SCFD1: variants seen among roughly 807,000 people sequenced by gnomAD.
SCFD1 encodes sec1 family domain containing 1, also known as sec1 family domain-containing protein 1.
A neutral mutation model predicts 103.2 loss-of-function variants in SCFD1; 37 were observed. The observed-to-expected ratio is 0.36, with a 90% CI of 0.28 to 0.47. SCFD1 has a LOEUF of 0.47. Ranked by LOEUF, SCFD1 falls within the 20% of genes least tolerant of loss-of-function variation. SCFD1 has a pLI of 1.00. For missense variants in SCFD1, 639 were observed against 761.2 expected, an observed-to-expected ratio of 0.84 and a Z score of 1.89; for synonymous variants, 264 against 245.0, an observed-to-expected ratio of 1.08 and a Z score of -0.73.
At chr14:30,625,749 A>G (rs1389316529) in intron 1 of SCFD1, among the ~76,000 whole-genome samples, 2 of 151,994 alleles carry the variant, frequency 1.3e-5, no homozygotes, top group African/African-American at 4.8e-5. Flanking sequence ...GTATATTGAT[A>G]TAGGTAAAAG....
intron 13 of SCFD1, among the ~76,000 whole-genome samples, chr14:30,674,515 G>C (rs1055473966): frequency 5.3e-5 from 8 of 152,046 alleles, no homozygotes; most frequent in Non-Finnish European, 1.0e-4. Flanking sequence ...GAGAGTGGTG[G>C]TGCACGCCTG....
At chr14:30,647,843 G>T (rs1250924267) in intron 7 of SCFD1, among the ~76,000 whole-genome samples, 1 of 152,064 alleles carries the variant, frequency 6.6e-6, no homozygotes, top group African/African-American at 2.4e-5. Flanking sequence ...CAGAGACGGG[G>T]TTTCACCATG....
chr14:30,707,307 A>G (rs1440845136), intron 18 of SCFD1, among the ~76,000 whole-genome samples: 3 of 152,182 alleles, frequency 2.0e-5, no homozygotes, highest in Non-Finnish European at 4.4e-5. Flanking sequence ...ATTCCATGTG[A>G]GAGACTGTTT....
chr14:30,629,869 C>T (rs1883920511), intron 2 of SCFD1, among the ~76,000 whole-genome samples: 2 of 152,170 alleles, frequency 1.3e-5, no homozygotes, highest in African/African-American at 4.8e-5. Flanking sequence ...AGCCACTGTG[C>T]CACAGCCAGG....
At chr14:30,665,919 T>C (rs532849868) in intron 10 of SCFD1, among the ~76,000 whole-genome samples, 1 of 152,046 alleles carries the variant, frequency 6.6e-6, no homozygotes, top group Non-Finnish European at 1.5e-5. Context: ...ACAAAACAAG[T>C]CCTTAGAGAC....
chr14:30,674,521 G>A (rs144198525), intron 13 of SCFD1, among the ~76,000 whole-genome samples: 365 of 152,168 alleles, frequency 2.4e-3, no homozygotes, highest in Non-Finnish European at 2.9e-3. Flanking sequence ...GGTGGTGCAC[G>A]CCTGTAGTCC....
intron 10 of SCFD1, among the ~76,000 whole-genome samples, chr14:30,661,475 T>A (rs994421047): frequency 6.6e-5 from 10 of 152,188 alleles, no homozygotes; most frequent in Non-Finnish European, 1.2e-4. Flanking sequence ...AATATATATG[T>A]ATCTGTTGTA....
chr14:30,711,154 C>T (rs534705545), intron 19 of SCFD1, among the ~76,000 whole-genome samples: 1 of 141,944 alleles, frequency 7.0e-6, no homozygotes, highest in South Asian at 2.3e-4. Context: ...TTCTGTTTTA[C>T]TCTCTTTGGC....
chr14:30,654,449 G>A (rs533789173), intron 10 of SCFD1, among the ~76,000 whole-genome samples: 9 of 152,326 alleles, frequency 5.9e-5, no homozygotes, highest in South Asian at 4.1e-4. Flanking sequence ...CAAGGCAGGC[G>A]GATCACATGA....
chr14:30,677,827 CTTTTTT>C (rs58942207), intron 14 of SCFD1, among the ~76,000 whole-genome samples: 4 of 67,510 alleles, frequency 5.9e-5, no homozygotes, highest in Admixed American at 1.5e-4. Flanking sequence ...ACCTAAGCAC[CTTTTTT>C]TTTTTTTTTT....
At chr14:30,733,783 C>A (rs563276474) in intron 23 of SCFD1, among the ~76,000 whole-genome samples, 3 of 152,304 alleles carry the variant, frequency 2.0e-5, no homozygotes, top group Admixed American at 2.0e-4. Context: ...CCTGGTCATG[C>A]TGGTCATGCA....
intron 14 of SCFD1, among the ~76,000 whole-genome samples, chr14:30,677,515 C>T (rs999317703): frequency 6.6e-6 from 1 of 151,854 alleles, no homozygotes; most frequent in Non-Finnish European, 1.5e-5. Context: ...TTTTTTATAT[C>T]CTAGATAAAG....
intron 11 of SCFD1, among the ~76,000 whole-genome samples, chr14:30,672,694 A>G (rs1279850798): frequency 1.3e-5 from 2 of 152,150 alleles, no homozygotes; most frequent in Admixed American, 6.5e-5. Flanking sequence ...CTAAACCACA[A>G]TGTCCTGGTA....
intron 19 of SCFD1, among the ~76,000 whole-genome samples, chr14:30,713,916 G>A (rs1892074755): frequency 6.6e-6 from 1 of 152,164 alleles, no homozygotes; most frequent in South Asian, 2.1e-4. Context: ...CCTAACTATA[G>A]TTTTCTCTTT....
Position 30,702,336 on chromosome 14 carries a change from G to A in SCFD1, c.1451G>A (p.Gly484Glu). The A allele has an allele frequency of 1.2e-6, 2 of 1,602,194 alleles. No individual in the cohort carries two copies. The highest frequency in any genetic ancestry group is 1.7e-6 in the Non-Finnish European group (2 of 1,173,928). Residue 484 changes from glycine (G) to glutamate (E), a missense_variant, in exon 17 of 25, where the codon GGA becomes GAA. Coordinates refer to ENST00000458591, the MANE Select transcript of SCFD1 (RefSeq NM_016106.4). ...EQYKKALTDAGCNLNPLQYIK... is the reference protein window; with the variant it reads ...EQYKKALTDAECNLNPLQYIK... ...TATAAAAAAGCTTTAACTGATGCAG[G>A]ATGCAACCTTAATCCTTTACAATAT...
intron 14 of SCFD1, among the ~76,000 whole-genome samples, chr14:30,691,505 G>A (rs971176492): frequency 6.6e-6 from 1 of 152,166 alleles, no homozygotes; most frequent in Non-Finnish European, 1.5e-5. Context: ...CTCTTATGCA[G>A]GTTAGAAAAT....
At chr14:30,680,171 G>T (rs925580921) in intron 14 of SCFD1, among the ~76,000 whole-genome samples, 3 of 152,030 alleles carry the variant, frequency 2.0e-5, no homozygotes, top group Non-Finnish European at 4.4e-5. Context: ...CTTTTATGAG[G>T]ATAAAGCATT....
At chr14:30,719,112 TAAC>T (rs1384738941) in intron 20 of SCFD1, among the ~76,000 whole-genome samples, 1 of 152,146 alleles carries the variant, frequency 6.6e-6, no homozygotes, top group African/African-American at 2.4e-5. Flanking sequence ...AGGGTAACAG[TAAC>T]AACCTGATAG....
At chr14:30,691,492 G>A (rs1364274015) in intron 14 of SCFD1, among the ~76,000 whole-genome samples, 2 of 152,190 alleles carry the variant, frequency 1.3e-5, no homozygotes, top group Non-Finnish European at 2.9e-5. Flanking sequence ...AGAGATACTA[G>A]TTCTCTTATG....
Sources: gnomAD v4.1 joint callset for allele counts (sites outside exome capture counted in the v4.1 genomes callset) on GRCh38, gnomAD v4.1.1 for gene constraint, MANE v1.5 for transcripts, NCBI Gene and HGNC (gene_info 2026-07-23, HGNC 2026-07-21) for gene names.